SHISA9: variants seen among roughly 807,000 people sequenced by gnomAD.
The protein encoded by SHISA9 is shisa family member 9, also known as protein shisa-9.
SHISA9 carries 13 observed loss-of-function variants against 38.0 expected under a neutral mutation model. The observed-to-expected ratio is 0.34, with a 90% CI of 0.22 to 0.54. SHISA9 has a LOEUF of 0.54. Among genes scored for constraint, SHISA9 ranks in the 20% least tolerant of loss-of-function variants. The pLI is 0.91. For missense variants in SHISA9, 538 were observed against 575.8 expected (o/e 0.93, Z 0.67); for synonymous variants, 275 against 242.0 (o/e 1.14, Z -1.27).
the SHISA9 span, among the ~76,000 whole-genome samples, chr16:13,327,100 T>G: frequency 6.6e-6 from 1 of 152,218 alleles, no homozygotes; most frequent in African/African-American, 2.4e-5. Context: ...AAGTCTTGCC[T>G]TCAGGACACA....
the SHISA9 span, among the ~76,000 whole-genome samples, chr16:13,285,676 G>A: frequency 4.8e-4 from 73 of 152,164 alleles, 2 homozygotes; most frequent in East Asian, 0.013. Context: ...TTGGAAATCT[G>A]TATATAAGAC....
intron 2 of SHISA9, among the ~76,000 whole-genome samples, chr16:12,978,051 G>C (rs1359091018): frequency 1.3e-5 from 2 of 152,162 alleles, no homozygotes; most frequent in South Asian, 2.1e-4. Context: ...GGAGAGGTAG[G>C]ATTTTTGCAG....
the SHISA9 span, among the ~76,000 whole-genome samples, chr16:13,323,175 G>C: frequency 6.6e-6 from 1 of 152,170 alleles, no homozygotes; most frequent in Non-Finnish European, 1.5e-5. Flanking sequence ...ATTTATAGTA[G>C]TGCCTAGTAC....
the SHISA9 span, among the ~76,000 whole-genome samples, chr16:13,411,883 A>G: frequency 1.3e-5 from 2 of 152,198 alleles, no homozygotes; most frequent in Admixed American, 6.5e-5. Context: ...AATTTACAGG[A>G]AGGATGCTGA....
chr16:12,916,011 G>GGTTTTTTTTTTTTTTTTTTT (rs774277866), intron 1 of SHISA9, among the ~76,000 whole-genome samples: 1 of 90,432 alleles, frequency 1.1e-5, no homozygotes, highest in Non-Finnish European at 2.1e-5. Context: ...GTGTGTGTGT[G>GGTTTTTTTTTTTTTTTTTTT]TTTTTTTTTT....
At chr16:13,198,012 C>A (rs983896275) in intron 2 of SHISA9, among the ~76,000 whole-genome samples, 3 of 152,026 alleles carry the variant, frequency 2.0e-5, no homozygotes, top group African/African-American at 4.8e-5. Context: ...TGGAGAAGCC[C>A]CTTCTCTACT....
intron 2 of SHISA9, among the ~76,000 whole-genome samples, chr16:13,088,266 G>C (rs1596639875): frequency 6.6e-6 from 1 of 152,156 alleles, no homozygotes; most frequent in African/African-American, 2.4e-5. Flanking sequence ...GATGCCTCCA[G>C]CTTTGTTCTT....
chr16:13,014,882 A>T (rs910557548), intron 2 of SHISA9, among the ~76,000 whole-genome samples: 12 of 152,150 alleles, frequency 7.9e-5, no homozygotes, highest in African/African-American at 2.9e-4. Flanking sequence ...ATTCCTTTTC[A>T]CCCATTATTT....
chr16:13,299,924 G>A, the SHISA9 span, among the ~76,000 whole-genome samples: 9 of 152,098 alleles, frequency 5.9e-5, no homozygotes, highest in African/African-American at 2.2e-4. Context: ...TAGGGTGACG[G>A]TGACTGTGAG....
the SHISA9 span, among the ~76,000 whole-genome samples, chr16:13,450,853 G>T: frequency 6.6e-6 from 1 of 151,898 alleles, no homozygotes; most frequent in African/African-American, 2.4e-5. Flanking sequence ...AATTTCTTGA[G>T]GATCCGATAT....
At chr16:13,395,828 A>T in the SHISA9 span, among the ~76,000 whole-genome samples, 1 of 152,210 alleles carries the variant, frequency 6.6e-6, no homozygotes, top group African/African-American at 2.4e-5. Flanking sequence ...CAGTTCTCAT[A>T]AACGCCATGT....
the SHISA9 span, among the ~76,000 whole-genome samples, chr16:13,549,986 G>A: frequency 1.3e-5 from 2 of 149,976 alleles, no homozygotes; most frequent in South Asian, 4.2e-4. Flanking sequence ...TTGTGCCACT[G>A]CACTCCAGCG....
chr16:12,966,319 C>T (rs796530301), intron 2 of SHISA9, among the ~76,000 whole-genome samples: 1 of 146,380 alleles, frequency 6.8e-6, no homozygotes, highest in African/African-American at 2.5e-5. Flanking sequence ...CTTCCTGGAT[C>T]TTCCCTGATG....
the SHISA9 span, among the ~76,000 whole-genome samples, chr16:13,459,440 G>A: frequency 6.6e-6 from 1 of 152,164 alleles, no homozygotes; most frequent in Admixed American, 6.5e-5. Context: ...ATCAGTAGAA[G>A]CAAGATACAG....
chr16:13,546,981 C>G, the SHISA9 span, among the ~76,000 whole-genome samples: 1 of 152,312 alleles, frequency 6.6e-6, no homozygotes, highest in East Asian at 1.9e-4. Flanking sequence ...AAAGCTCATC[C>G]TCACCCTGGG....
intron 2 of SHISA9, among the ~76,000 whole-genome samples, chr16:13,128,838 C>T (rs147642317): frequency 2.0e-5 from 3 of 152,268 alleles, no homozygotes; most frequent in African/African-American, 7.2e-5. Flanking sequence ...TGTCTGTGTA[C>T]GTGTGTTGTA....
chr16:13,302,003 T>C, the SHISA9 span, among the ~76,000 whole-genome samples: 1 of 152,090 alleles, frequency 6.6e-6, no homozygotes, highest in Non-Finnish European at 1.5e-5. Context: ...GAGAGAATGG[T>C]GGGCCCAGAG....
At chr16:13,370,681 T>G in the SHISA9 span, among the ~76,000 whole-genome samples, 1 of 152,324 alleles carries the variant, frequency 6.6e-6, no homozygotes, top group East Asian at 1.9e-4. Context: ...TGATCTTGTT[T>G]TGAACATAAT....
chr16:13,448,572 T>C, the SHISA9 span, among the ~76,000 whole-genome samples: 1 of 152,366 alleles, frequency 6.6e-6, no homozygotes, highest in Non-Finnish European at 1.5e-5. Flanking sequence ...TCTGTGGCCC[T>C]GCCCCAAGGC....
Sources: allele counts gnomAD v4.1 joint callset (sites outside exome capture counted in the v4.1 genomes callset), GRCh38; gene constraint gnomAD v4.1.1; transcripts MANE v1.5; gene names NCBI Gene and HGNC (gene_info 2026-07-23, HGNC 2026-07-21).